PDE4D: variants seen among roughly 807,000 people sequenced by gnomAD.
PDE4D encodes the protein phosphodiesterase 4D, also known as 3',5'-cyclic-AMP phosphodiesterase 4D.
In PDE4D, 24 loss-of-function variants were observed where a neutral mutation model predicts 87.4. The ratio of observed to expected loss-of-function variants is 0.27; its 90% CI spans 0.20 to 0.39. The LOEUF is 0.39. Among genes scored for constraint, PDE4D ranks in the 10% least tolerant of loss-of-function variants. The probability of loss-of-function intolerance (pLI) is 1.00; values close to 1 mark genes in which losing one functional copy is unlikely to be tolerated. For synonymous variants in PDE4D, 384 were observed against 383.2 expected (o/e 1.00, Z -0.02); for missense variants, 714 against 1,041.0 (o/e 0.69, Z 4.32).
chr5:60,215,127 G>A (rs964380448), intron 1 of PDE4D, among the ~76,000 whole-genome samples: 9 of 152,080 alleles, frequency 5.9e-5, no homozygotes, highest in South Asian at 2.1e-4. Flanking sequence ...CCTCTGTAGC[G>A]ATTTCTATGA....
intron 1 of PDE4D, among the ~76,000 whole-genome samples, chr5:59,865,214 A>C (rs1384986157): frequency 1.3e-5 from 2 of 152,204 alleles, no homozygotes; most frequent in African/African-American, 4.8e-5. Context: ...TTGGTGCAAA[A>C]CAATGTTTAG....
intron 1 of PDE4D, among the ~76,000 whole-genome samples, chr5:59,862,444 G>A (rs188089720): frequency 9.2e-5 from 14 of 152,120 alleles, no homozygotes; most frequent in Non-Finnish European, 1.9e-4. Flanking sequence ...GTATTGTGTG[G>A]GTGTGCGAAC....
chr5:59,955,916 C>T (rs764394891), intron 3 of PDE4D, among the ~76,000 whole-genome samples: 1 of 152,160 alleles, frequency 6.6e-6, no homozygotes, highest in Non-Finnish European at 1.5e-5. Flanking sequence ...CTGTATTTTA[C>T]TCCTCTCTAA....
chr5:59,271,541 T>C lies in PDE4D; in HGVS notation c.456-55573A>G, dbSNP rs1036319219. 7.9e-5 allele frequency among the ~76,000 whole-genome samples: 12 copies of C among 152,260 alleles called. No homozygotes were observed. In the South Asian group the frequency reaches 2.3e-3, roughly 29 times the overall value. On this transcript the variant is annotated intron_variant, in intron 1 of 14. Coordinates refer to ENST00000340635, the MANE Select transcript of PDE4D (RefSeq NM_001104631.2). ...TTATAAAATTGGACATTTTAGCTTA[T>C]ATGAATGCTTTCCACTGTGATCATG...
At chr5:59,100,689 T>C (rs924925180) in intron 5 of PDE4D, among the ~76,000 whole-genome samples, 3 of 152,164 alleles carry the variant, frequency 2.0e-5, no homozygotes, top group African/African-American at 7.2e-5. Context: ...ACTTGAATGA[T>C]TTTCTTGAGA....
intron 1 of PDE4D, among the ~76,000 whole-genome samples, chr5:60,443,989 C>T (rs1351319150): frequency 7.6e-6 from 1 of 132,186 alleles, no homozygotes; most frequent in African/African-American, 2.8e-5. Flanking sequence ...GCTTTCATTA[C>T]TTGTGATTAC....
intron 1 of PDE4D, among the ~76,000 whole-genome samples, chr5:59,540,357 C>A (rs37570): frequency 0.83 from 126,542 of 152,042 alleles, 52,698 homozygotes; most frequent in South Asian, 0.9. Flanking sequence ...TTTAAAAAAA[C>A]GAAAACAAAA....
At chr5:59,690,649 A>G (rs1360757687) in intron 1 of PDE4D, among the ~76,000 whole-genome samples, 2 of 152,232 alleles carry the variant, frequency 1.3e-5, no homozygotes, top group Admixed American at 6.5e-5. Context: ...CATTCAGGAC[A>G]TAGGCACAGG....
intron 1 of PDE4D, among the ~76,000 whole-genome samples, chr5:60,393,527 A>T (rs1244379959): frequency 6.6e-6 from 1 of 152,212 alleles, no homozygotes; most frequent in Non-Finnish European, 1.5e-5. Context: ...TTTAATCAAG[A>T]AGTTCAAGGA....
chr5:60,236,514 T>C (rs1445419008), intron 1 of PDE4D, among the ~76,000 whole-genome samples: 1 of 151,944 alleles, frequency 6.6e-6, no homozygotes, highest in Admixed American at 6.6e-5. Context: ...CTACCTATGA[T>C]AGGCAGAACA....
intron 5 of PDE4D, among the ~76,000 whole-genome samples, chr5:59,120,048 G>T (rs1482521954): frequency 6.6e-6 from 1 of 151,996 alleles, no homozygotes; most frequent in Non-Finnish European, 1.5e-5. Flanking sequence ...CCCCAGGCTG[G>T]TCTCAAACTC....
chr5:59,359,386 T>C (rs7723695), intron 1 of PDE4D, among the ~76,000 whole-genome samples: 16,989 of 152,160 alleles, frequency 0.11, 1,089 homozygotes, highest in East Asian at 0.22. Context: ...TATTATTTTT[T>C]CTTAAATAAT....
At chr5:59,353,854 A>G (rs1015245367) in intron 1 of PDE4D, among the ~76,000 whole-genome samples, 3 of 152,136 alleles carry the variant, frequency 2.0e-5, no homozygotes, top group Non-Finnish European at 4.4e-5. Context: ...TAAGATAAAA[A>G]ATTGTCACAG....
chr5:60,244,117 A>G (rs554315711), intron 1 of PDE4D, among the ~76,000 whole-genome samples: 1 of 152,182 alleles, frequency 6.6e-6, no homozygotes, highest in African/African-American at 2.4e-5. Flanking sequence ...TACAGGATAC[A>G]AAATCAATAT....
chr5:59,852,814 G>A (rs1744878938), intron 1 of PDE4D, among the ~76,000 whole-genome samples: 1 of 151,404 alleles, frequency 6.6e-6, no homozygotes, highest in Admixed American at 6.6e-5. Context: ...AACAGAAAAA[G>A]AGACAGGAAT....
intron 1 of PDE4D, among the ~76,000 whole-genome samples, chr5:59,615,145 T>C (rs1158913578): frequency 6.6e-6 from 1 of 152,192 alleles, no homozygotes; most frequent in Admixed American, 6.5e-5. Context: ...ATTTTTATGT[T>C]GAACATTCCC....
chr5:60,228,224 C>T (rs1745359377), intron 1 of PDE4D, among the ~76,000 whole-genome samples: 1 of 152,060 alleles, frequency 6.6e-6, no homozygotes, highest in Non-Finnish European at 1.5e-5. Context: ...CACATGAACA[C>T]ATATATTTAT....
At chr5:59,909,950 C>A (rs1043104737) in intron 3 of PDE4D, among the ~76,000 whole-genome samples, 1 of 152,188 alleles carries the variant, frequency 6.6e-6, no homozygotes, top group Non-Finnish European at 1.5e-5. Context: ...TAGTTTCATG[C>A]ATTTTGAATG....
At chr5:60,086,707 A>C in intron 2 of PDE4D, among the ~76,000 whole-genome samples, 1 of 152,266 alleles carries the variant, frequency 6.6e-6, no homozygotes, top group East Asian at 1.9e-4. Context: ...GAGCAGGAGA[A>C]ATGTTCAATC....
Sources: gnomAD v4.1 joint callset for allele counts (sites outside exome capture counted in the v4.1 genomes callset) on GRCh38, gnomAD v4.1.1 for gene constraint, MANE v1.5 for transcripts, NCBI Gene and HGNC (gene_info 2026-07-23, HGNC 2026-07-21) for gene names.